Variants in OPRM1 observed in about 807,000 individuals in gnomAD.
OPRM1 encodes the protein opioid receptor mu 1, also known as mu-type opioid receptor.
In OPRM1, 27 loss-of-function variants were observed where a neutral mutation model predicts 31.8. That is an observed-to-expected ratio of 0.85 (90% confidence interval 0.63 to 1.17). The LOEUF is 1.17. Among genes scored for constraint, OPRM1 ranks in the 50% most tolerant of loss-of-function variants. The pLI is 0.00. For synonymous variants in OPRM1, 196 were observed against 189.9 expected, an observed-to-expected ratio of 1.03 and a Z score of -0.26; for missense variants, 536 against 511.1, an observed-to-expected ratio of 1.05 and a Z score of -0.47.
intron 1 of OPRM1, among the ~76,000 whole-genome samples, chr6:154,013,341 C>A (rs577099453): frequency 6.6e-6 from 1 of 152,078 alleles, no homozygotes; most frequent in African/African-American, 2.4e-5. Flanking sequence ...ATTTTATATT[C>A]GCCTGTGAGA....
chr6:154,099,664 T>TACATATATACATATATATAC (rs1421108009), intron 3 of OPRM1, among the ~76,000 whole-genome samples: 23 of 150,070 alleles, frequency 1.5e-4, no homozygotes, highest in Non-Finnish European at 2.7e-4. Flanking sequence ...CACATGTATA[T>TACATATATACATATATATAC]ACATATATAC....
intron 3 of OPRM1, among the ~76,000 whole-genome samples, chr6:154,143,779 G>C (rs549025794): frequency 1.3e-5 from 2 of 152,198 alleles, no homozygotes; most frequent in East Asian, 3.9e-4. Flanking sequence ...TGGAAAAATG[G>C]AGTAGATATA....
At chr6:154,153,159 T>G (rs764191750) in intron 3 of OPRM1, among the ~76,000 whole-genome samples, 2 of 152,224 alleles carry the variant, frequency 1.3e-5, no homozygotes, top group Non-Finnish European at 1.5e-5. Context: ...AGGACTTTCA[T>G]GCTTCTAGCT....
At chr6:154,245,831 C>T (rs1021923672) in intron 3 of OPRM1, among the ~76,000 whole-genome samples, 1 of 152,138 alleles carries the variant, frequency 6.6e-6, no homozygotes, top group Non-Finnish European at 1.5e-5. Context: ...TCAACAACAT[C>T]GTCATTTTCA....
chr6:154,241,022 G>T (rs575529024), intron 3 of OPRM1, among the ~76,000 whole-genome samples: 2 of 152,010 alleles, frequency 1.3e-5, no homozygotes, highest in African/African-American at 4.8e-5. Context: ...CAAATCATGA[G>T]GTCAAGAGAT....
intron 3 of OPRM1, among the ~76,000 whole-genome samples, chr6:154,104,164 T>G (rs116663408): frequency 0.016 from 2,451 of 152,258 alleles, 60 homozygotes; most frequent in African/African-American, 0.057. Flanking sequence ...GGCTCTTGTG[T>G]TTAGGGTAGA....
intron 3 of OPRM1, among the ~76,000 whole-genome samples, chr6:154,111,273 A>G (rs1217253336): frequency 6.6e-6 from 1 of 152,176 alleles, no homozygotes; most frequent in Non-Finnish European, 1.5e-5. Context: ...TCAGCTCCCA[A>G]GGTTTTCTGT....
At chr6:154,086,973 G>T in intron 1 of OPRM1, 1 of 983,958 alleles carries the variant, frequency 1.0e-6, no homozygotes, top group Non-Finnish European at 1.2e-6. Context: ...CTTTTTTGTT[G>T]GTTTTTGTAC....
chr6:154,110,750 G>A (rs1796251858), intron 3 of OPRM1, among the ~76,000 whole-genome samples: 1 of 152,090 alleles, frequency 6.6e-6, no homozygotes, highest in Admixed American at 6.5e-5. Flanking sequence ...TAGCAGGCGT[G>A]GTGGCGGGCA....
intron 1 of OPRM1, among the ~76,000 whole-genome samples, chr6:154,056,554 TATAA>T: frequency 6.6e-6 from 1 of 151,850 alleles, no homozygotes; most frequent in African/African-American, 2.4e-5. Context: ...CAGTAAACTC[TATAA>T]ATAAAGCAAG....
chr6:154,148,585 G>A (rs906689701), intron 3 of OPRM1, among the ~76,000 whole-genome samples: 10 of 152,118 alleles, frequency 6.6e-5, no homozygotes, highest in African/African-American at 2.4e-4. Context: ...TGAAAGGGAC[G>A]CTCTCTGGTA....
intron 1 of OPRM1, among the ~76,000 whole-genome samples, chr6:154,028,352 C>A (rs1778818676): frequency 1.3e-5 from 2 of 152,128 alleles, no homozygotes; most frequent in South Asian, 4.1e-4. Context: ...ATTCAAGATG[C>A]AACACGAAGT....
chr6:154,144,158 AG>A (rs1323690119), intron 3 of OPRM1, among the ~76,000 whole-genome samples: 1 of 152,238 alleles, frequency 6.6e-6, no homozygotes, highest in Non-Finnish European at 1.5e-5. Context: ...GTAAGTATTA[AG>A]GAAATAGAAT....
At position 154,076,545 on chromosome 6, in the gene OPRM1, C is replaced by T. The variant is rs115040178; in HGVS notation, c.291-13281C>T. ...TAATATTGGTAGATATGGCTAGACA[C>T]GGTGGCTCACGCCTGTAATCCCAGC... On this transcript the variant is annotated intron_variant, in intron 1 of 3. Transcript: ENST00000330432. Among the ~76,000 whole-genome samples the T allele has an allele frequency of 4.7e-3, 711 of 152,186 alleles. 2 individuals carry two copies. Among genetic ancestry groups the T allele is most frequent in the African/African-American group, 0.016 (676 of 41,520 alleles).
chr6:154,212,108 C>T (rs1192476906), intron 3 of OPRM1, among the ~76,000 whole-genome samples: 1 of 152,152 alleles, frequency 6.6e-6, no homozygotes, highest in Non-Finnish European at 1.5e-5. Flanking sequence ...AGGTATAAAA[C>T]CAAAAATCAC....
At chr6:154,090,553 C>G (rs1338710890) in intron 2 of OPRM1, among the ~76,000 whole-genome samples, 2 of 152,070 alleles carry the variant, frequency 1.3e-5, no homozygotes, top group Non-Finnish European at 2.9e-5. Context: ...CTTTCTACAC[C>G]TAATATCAGA....
intron 3 of OPRM1, chr6:154,200,180 T>C (rs2128591638): frequency 1.3e-6 from 1 of 747,848 alleles, no homozygotes; most frequent in Non-Finnish European, 2.1e-6. Context: ...AAGGTAAAGA[T>C]ATGATATTTA....
At chr6:154,089,738 A>C in intron 1 of OPRM1, 88 bp from the exon 2 acceptor site, 9 of 868,054 alleles carry the variant, frequency 1.0e-5, no homozygotes, top group Non-Finnish European at 1.6e-5. Flanking sequence ...GCTTTCTACT[A>C]ATTCATGCAA....
intron 3 of OPRM1, among the ~76,000 whole-genome samples, chr6:154,170,116 A>G (rs901891101): frequency 1.2e-4 from 18 of 152,330 alleles, no homozygotes; most frequent in African/African-American, 4.1e-4. Context: ...GAGGTTACTC[A>G]AAGAAAATCT....
Sources: gnomAD v4.1 joint callset for allele counts (sites outside exome capture counted in the v4.1 genomes callset) on GRCh38, gnomAD v4.1.1 for gene constraint, MANE v1.5 for transcripts, NCBI Gene and HGNC (gene_info 2026-07-23, HGNC 2026-07-21) for gene names.